CDC25A: variants seen among roughly 807,000 people sequenced by gnomAD.
The protein encoded by CDC25A is M-phase inducer phosphatase 1.
Under a neutral mutation model 64.6 loss-of-function variants are expected in CDC25A, and 17 were observed. The ratio of observed to expected loss-of-function variants is 0.26; its 90% CI spans 0.18 to 0.39. The LOEUF (loss-of-function observed/expected upper bound fraction) is 0.39, where lower values mean the gene tolerates loss of function less well. Among genes scored for constraint, CDC25A ranks in the 10% least tolerant of loss-of-function variants. CDC25A has a pLI of 1.00. For missense variants in CDC25A, 473 were observed against 654.8 expected (o/e 0.72, Z 3.03); for synonymous variants, 229 against 238.6 (o/e 0.96, Z 0.37).
rs1241833773 is a variant in CDC25A, at chr3:48,188,002, A to ACCGCC, written c.-60_-56dup. The ACCGCC allele has an allele frequency of 3.9e-5, 51 of 1,311,424 alleles. No individual in the cohort carries two copies. Among genetic ancestry groups the ACCGCC allele is most frequent in the South Asian group, 9.7e-5 (5 of 51,674 alleles). 81.2% of individuals were successfully genotyped at this position (1,311,424 alleles called of 1,614,324 possible). ...TCCCTCTTCCTCTGCCTCCGCCGCG[A>ACCGCC]CCGCCCCGCCCCGCCGACACCGGCC... On this transcript the variant is annotated 5_prime_UTR_variant, in exon 1 of 15. Coordinates refer to ENST00000302506, the MANE Select transcript of CDC25A (RefSeq NM_001789.3).
intron 5 of CDC25A, among the ~76,000 whole-genome samples, chr3:48,181,236 G>A (rs2032656079): frequency 6.6e-6 from 1 of 150,850 alleles, no homozygotes. Flanking sequence ...CTACCAACTG[G>A]AGATAATTTT....
intron 8 of CDC25A, among the ~76,000 whole-genome samples, chr3:48,176,623 T>C (rs2032472485): frequency 6.7e-6 from 1 of 148,530 alleles, no homozygotes; most frequent in East Asian, 1.9e-4. Flanking sequence ...CAGCCTCAGG[T>C]AGGTATTTTC....
rs1028637783 is a variant in CDC25A at position 48,187,810 on chromosome 3, G to A, written c.138C>T (p.Thr46=). 4.5e-6 allele frequency: 7 copies of A among 1,547,998 alleles called. No individual in the cohort carries two copies. In the East Asian group the frequency reaches 9.9e-5, roughly 22 times the overall value. ...GACCCTGCAGCTGGTCCATAGTGAC[G>A]GTCAGGTTGGTGACAGGCGACAGTC... The part of the protein sequence containing the change: ...AGGLSPVTNL[T]VTMDQLQGLG... The change falls in exon 1 of 15, where the codon ACC becomes ACT. Residue 46 remains threonine, a synonymous_variant. Transcript: ENST00000302506.
At chr3:48,177,784 C>G in intron 7 of CDC25A, 70 bp downstream of exon 7, 1 of 1,578,958 alleles carries the variant, frequency 6.3e-7, no homozygotes, top group Non-Finnish European at 8.7e-7. Context: ...TTCTTTTTCA[C>G]ATCACATGCC....
At chr3:48,162,553 T>A (rs1047990421) in intron 13 of CDC25A, among the ~76,000 whole-genome samples, 4 of 151,950 alleles carry the variant, frequency 2.6e-5, no homozygotes, top group African/African-American at 9.7e-5. Context: ...TTCTTGAGCT[T>A]TAAAATGGTT....
At chr3:48,183,155 A>G (rs1310059752) in intron 4 of CDC25A, 125 bp from the exon 5 acceptor site, 1 of 636,720 alleles carries the variant, frequency 1.6e-6, no homozygotes, top group African/African-American at 1.8e-5. Context: ...ACACTGCAGT[A>G]GGTAACCAGT....
chr3:48,160,410 C>T (rs868549855), intron 13 of CDC25A, among the ~76,000 whole-genome samples: 87 of 137,148 alleles, frequency 6.3e-4, no homozygotes, highest in Middle Eastern at 4.4e-3. Flanking sequence ...CACCCAGTCA[C>T]CTTTTTTTTT....
At chr3:48,184,984 T>C (rs1388460584) in intron 2 of CDC25A, among the ~76,000 whole-genome samples, 1 of 152,240 alleles carries the variant, frequency 6.6e-6, no homozygotes, top group Non-Finnish European at 1.5e-5. Context: ...ATTCATATCA[T>C]GATTGTTTGG....
rs2032724845 is a variant in CDC25A at position 48,183,113 on chromosome 3, G to C, written c.328-83C>G. On this transcript the variant is annotated intron_variant, in intron 4 of 14. Coordinates refer to ENST00000302506, the MANE Select transcript of CDC25A (RefSeq NM_001789.3). ...TTCAGTTCTCAAAAGAAAAAAAAGG[G>C]GGGTTGAATAGGGGGTAGACTAGCT... The C allele has an allele frequency of 3.2e-6, 3 of 924,784 alleles. No homozygotes were observed. In the South Asian group the frequency reaches 4.1e-5, roughly 13 times the overall value. 57.3% of individuals were successfully genotyped at this position (924,784 alleles called of 1,614,324 possible).
intron 9 of CDC25A, among the ~76,000 whole-genome samples, chr3:48,168,993 T>C (rs2032166076): frequency 6.6e-6 from 1 of 152,100 alleles, no homozygotes; most frequent in Non-Finnish European, 1.5e-5. Flanking sequence ...AGCCAGCTGT[T>C]AAAAAGGGGA....
At chr3:48,163,638 G>GT (rs2031884628) in intron 13 of CDC25A, among the ~76,000 whole-genome samples, 1 of 152,124 alleles carries the variant, frequency 6.6e-6, no homozygotes, top group Non-Finnish European at 1.5e-5. Flanking sequence ...ATTTAAAAAT[G>GT]TTTTTTAAAA....
chr3:48,160,890 C>T (rs1166811534), intron 13 of CDC25A, among the ~76,000 whole-genome samples: 1 of 151,928 alleles, frequency 6.6e-6, no homozygotes, highest in Non-Finnish European at 1.5e-5. Context: ...CGCGGTGGCT[C>T]ACACCTGTAA....
At chr3:48,168,750 G>A (rs887930487) in intron 9 of CDC25A, among the ~76,000 whole-genome samples, 3 of 151,686 alleles carry the variant, frequency 2.0e-5, no homozygotes, top group African/African-American at 4.8e-5. Context: ...CTGCCTCCCA[G>A]GTTCAAGCGA....
chr3:48,174,206 T>C, intron 9 of CDC25A, 78 bp downstream of exon 9: 4 of 1,303,492 alleles, frequency 3.1e-6, no homozygotes, highest in Non-Finnish European at 3.2e-6. Context: ...AGAAAATAAA[T>C]GAACCACTAA....
intron 6 of CDC25A, among the ~76,000 whole-genome samples, chr3:48,178,549 A>G (rs1349143619): frequency 6.6e-6 from 1 of 152,234 alleles, no homozygotes; most frequent in Non-Finnish European, 1.5e-5. Flanking sequence ...TATAATCTTT[A>G]TACATATAAT....
At chr3:48,182,595 T>G (rs999518579) in intron 5 of CDC25A, among the ~76,000 whole-genome samples, 1 of 152,196 alleles carries the variant, frequency 6.6e-6, no homozygotes, top group South Asian at 2.1e-4. Flanking sequence ...AAACACTATT[T>G]GTACATGTAA....
chr3:48,185,285 C>T (rs943815569), intron 2 of CDC25A, among the ~76,000 whole-genome samples: 3 of 151,914 alleles, frequency 2.0e-5, no homozygotes, highest in Admixed American at 6.6e-5. Context: ...TGTGGTGGCA[C>T]GTGTCTGTAG....
rs1559953422 is a variant in CDC25A at position 48,157,898 on chromosome 3, A to T, written c.*1047T>A. On this transcript the variant is annotated 3_prime_UTR_variant, in exon 15 of 15. Transcript: ENST00000302506. ...TTGATACTCTTTGACTCATAATATGACCATTTTTTAAAAATTAGAAAATAA... is the reference window on the plus strand; with the variant it reads ...TTGATACTCTTTGACTCATAATATGTCCATTTTTTAAAAATTAGAAAATAA... 6.6e-6 allele frequency: 1 copy of T among 152,576 alleles called. No individual in the cohort carries two copies. The highest frequency in any genetic ancestry group is 1.5e-5 in the Non-Finnish European group (1 of 68,048). The allele number at this position is 152,576 out of a possible 1,614,324, so 9.5% of individuals were successfully genotyped here.
At chr3:48,187,126 C>T (rs1462811606) in intron 1 of CDC25A, among the ~76,000 whole-genome samples, 2 of 152,118 alleles carry the variant, frequency 1.3e-5, no homozygotes, top group African/African-American at 2.4e-5. Flanking sequence ...AGTTGGGAAA[C>T]GCACAAGACA....
Sources: allele counts gnomAD v4.1 joint callset (sites outside exome capture counted in the v4.1 genomes callset), GRCh38; gene constraint gnomAD v4.1.1; transcripts MANE v1.5; gene names NCBI Gene and HGNC (gene_info 2026-07-23, HGNC 2026-07-21).